The following PCDH7 variants were observed in gnomAD, a reference collection of about 807,000 sequenced individuals.
The protein encoded by PCDH7 is protocadherin-7.
Under a neutral mutation model 58.9 loss-of-function variants are expected in PCDH7, and 17 were observed. The observed-to-expected ratio is 0.29, with a 90% CI of 0.20 to 0.43. The LOEUF is 0.43. Ranked by LOEUF, PCDH7 falls within the 20% of genes least tolerant of loss-of-function variation. PCDH7 has a pLI of 1.00. For missense variants in PCDH7, 1,274 were observed against 1,441.0 expected, an observed-to-expected ratio of 0.88 and a Z score of 1.88; for synonymous variants, 664 against 616.4, an observed-to-expected ratio of 1.08 and a Z score of -1.14.
chr4:30,818,707 A>G (rs758295559), intron 1 of PCDH7, among the ~76,000 whole-genome samples: 1 of 152,170 alleles, frequency 6.6e-6, no homozygotes, highest in Non-Finnish European at 1.5e-5. Context: ...ATGCAGCTTA[A>G]TGATCCCAGG....
At chr4:30,774,678 T>A (rs1026256431) in intron 1 of PCDH7, among the ~76,000 whole-genome samples, 3 of 152,176 alleles carry the variant, frequency 2.0e-5, no homozygotes, top group Non-Finnish European at 4.4e-5. Flanking sequence ...GGGCTTACTC[T>A]GCATCAGGGA....
At chr4:30,972,488 T>G (rs1462919695) in intron 3 of PCDH7, among the ~76,000 whole-genome samples, 1 of 152,170 alleles carries the variant, frequency 6.6e-6, no homozygotes, top group African/African-American at 2.4e-5. Context: ...TCGAATGAAG[T>G]GAGCCAGCCC....
intron 1 of PCDH7, among the ~76,000 whole-genome samples, chr4:30,863,165 T>G (rs1363339550): frequency 6.6e-6 from 1 of 152,152 alleles, no homozygotes; most frequent in Non-Finnish European, 1.5e-5. Flanking sequence ...ATGGAATAAC[T>G]TCCCTTTGCT....
intron 1 of PCDH7, among the ~76,000 whole-genome samples, chr4:30,912,498 A>G (rs2109406481): frequency 6.6e-6 from 1 of 152,310 alleles, no homozygotes; most frequent in Non-Finnish European, 1.5e-5. Context: ...GGACATAACT[A>G]AGTGAATTGG....
chr4:30,866,953 G>A (rs1328784919), intron 1 of PCDH7, among the ~76,000 whole-genome samples: 1 of 152,016 alleles, frequency 6.6e-6, no homozygotes, highest in Non-Finnish European at 1.5e-5. Context: ...CTGGACTTTG[G>A]TTGGGGTAAC....
At chr4:30,787,026 A>G (rs1723486385) in intron 1 of PCDH7, among the ~76,000 whole-genome samples, 1 of 152,090 alleles carries the variant, frequency 6.6e-6, no homozygotes, top group African/African-American at 2.4e-5. Context: ...ATATGGAATA[A>G]AGGAGGGATG....
At chr4:30,893,571 A>G (rs148202477) in intron 1 of PCDH7, among the ~76,000 whole-genome samples, 1 of 152,206 alleles carries the variant, frequency 6.6e-6, no homozygotes, top group East Asian at 1.9e-4. Context: ...CAGGTATATG[A>G]GCTAATACTT....
Position 31,031,726 on chromosome 4 carries a change from C to A in PCDH7, c.*7+81511C>A, listed in dbSNP as rs193301572. On this transcript the variant is annotated intron_variant, in intron 3 of 3. Transcript: ENST00000509759. ...TCTTTTTAAAAATTTCTTTCCATCT[C>A]AGTGTAAGGAATTAAAAGGGCCTTT... Among the ~76,000 whole-genome samples the A allele has an allele frequency of 7.2e-3, 1,100 of 152,268 alleles. 20 individuals are homozygous for A. The highest frequency in any genetic ancestry group is 0.01 in the Middle Eastern group (3 of 292).
chr4:31,083,880 T>A (rs2109273531), intron 3 of PCDH7, among the ~76,000 whole-genome samples: 1 of 152,326 alleles, frequency 6.6e-6, no homozygotes, highest in South Asian at 2.1e-4. Flanking sequence ...TCAATGATGC[T>A]GGAATAATAA....
At chr4:30,860,906 T>G (rs1734115037) in intron 1 of PCDH7, among the ~76,000 whole-genome samples, 2 of 152,174 alleles carry the variant, frequency 1.3e-5, no homozygotes, top group Non-Finnish European at 2.9e-5. Context: ...CATCTGCTTT[T>G]GAATTGAATT....
At chr4:30,855,470 C>A (rs1226541530) in intron 1 of PCDH7, among the ~76,000 whole-genome samples, 1 of 152,152 alleles carries the variant, frequency 6.6e-6, no homozygotes, top group Non-Finnish European at 1.5e-5. Context: ...GCGGCAAACT[C>A]ATCCTTTCTT....
At chr4:30,824,873 C>G (rs1470381612) in intron 1 of PCDH7, among the ~76,000 whole-genome samples, 1 of 152,022 alleles carries the variant, frequency 6.6e-6, no homozygotes, top group Non-Finnish European at 1.5e-5. Context: ...GAAAATAATT[C>G]TTGCAGTAGA....
At chr4:31,090,290 G>T (rs1248475714) in intron 3 of PCDH7, among the ~76,000 whole-genome samples, 2 of 151,778 alleles carry the variant, frequency 1.3e-5, no homozygotes, top group Non-Finnish European at 1.5e-5. Flanking sequence ...AATTTTTGTG[G>T]GTACATAGTA....
At chr4:31,101,626 G>C (rs139154600) in intron 3 of PCDH7, among the ~76,000 whole-genome samples, 1 of 152,202 alleles carries the variant, frequency 6.6e-6, no homozygotes, top group South Asian at 2.1e-4. Context: ...TTAACAATAC[G>C]TGACTATTGA....
At chr4:31,142,179 C>T (rs1472952979) in intron 3 of PCDH7, among the ~76,000 whole-genome samples, 1 of 152,070 alleles carries the variant, frequency 6.6e-6, no homozygotes, top group Non-Finnish European at 1.5e-5. Flanking sequence ...TAACTGAGAC[C>T]ATCCTCATGT....
At chr4:30,974,246 C>CCT (rs1553921639) in intron 3 of PCDH7, among the ~76,000 whole-genome samples, 5 of 129,312 alleles carry the variant, frequency 3.9e-5, no homozygotes, top group African/African-American at 6.9e-5. Context: ...TTCTTTCTTT[C>CCT]TTCCTTTCCT....
At chr4:30,904,338 A>G (rs758402974) in intron 1 of PCDH7, among the ~76,000 whole-genome samples, 2 of 152,130 alleles carry the variant, frequency 1.3e-5, no homozygotes, top group Non-Finnish European at 2.9e-5. Flanking sequence ...AGCTCTTGGC[A>G]TGCAGCCCAC....
intron 1 of PCDH7, among the ~76,000 whole-genome samples, chr4:30,912,757 C>T (rs951869116): frequency 5.9e-5 from 9 of 152,140 alleles, no homozygotes; most frequent in Non-Finnish European, 1.3e-4. Context: ...CCAATAAAAT[C>T]CCCATAAAGG....
intron 3 of PCDH7, among the ~76,000 whole-genome samples, chr4:30,970,385 G>A (rs1235225225): frequency 2.6e-5 from 4 of 151,102 alleles, no homozygotes; most frequent in South Asian, 2.1e-4. Context: ...AGCTCCCCCT[G>A]CCGTGTTCAC....
Sources: allele counts gnomAD v4.1 joint callset (sites outside exome capture counted in the v4.1 genomes callset), GRCh38; gene constraint gnomAD v4.1.1; transcripts MANE v1.5; gene names NCBI Gene and HGNC (gene_info 2026-07-23, HGNC 2026-07-21).